The following CDK5RAP2 variants were observed in gnomAD, a reference collection of about 807,000 sequenced individuals.
CDK5RAP2 encodes CDK5 regulatory subunit-associated protein 2.
In CDK5RAP2, 147 loss-of-function variants were observed where a neutral mutation model predicts 232.9. The ratio of observed to expected loss-of-function variants is 0.63; its 90% confidence interval spans 0.55 to 0.72. The LOEUF is 0.72. Among genes scored for constraint, CDK5RAP2 ranks in the 30% least tolerant of loss-of-function variants. The probability of loss-of-function intolerance (pLI) is 0.00; values close to 1 mark genes in which losing one functional copy is unlikely to be tolerated. For missense variants in CDK5RAP2, 2,195 were observed against 2,231.5 expected (o/e 0.98, Z 0.33); for synonymous variants, 833 against 833.7 (o/e 1.00, Z 0.01).
chr9:120,541,759 A>T (rs1473843203), intron 5 of CDK5RAP2, among the ~76,000 whole-genome samples: 1 of 152,214 alleles, frequency 6.6e-6, no homozygotes, highest in Admixed American at 6.5e-5. Flanking sequence ...ATAACTGATC[A>T]AATGCAATAA....
intron 12 of CDK5RAP2, among the ~76,000 whole-genome samples, chr9:120,494,849 T>C (rs1379772206): frequency 9.4e-6 from 1 of 106,816 alleles, no homozygotes; most frequent in Non-Finnish European, 1.8e-5. Context: ...CCGCGGCTGG[T>C]GGTTGGCGCG....
intron 13 of CDK5RAP2, among the ~76,000 whole-genome samples, chr9:120,488,103 G>C (rs762682803): frequency 2.6e-5 from 4 of 152,106 alleles, no homozygotes; most frequent in East Asian, 3.9e-4. Context: ...CTTCTGCATG[G>C]AATCTATTCC....
At chr9:120,536,577 C>T (rs1454246090) in intron 6 of CDK5RAP2, 51 bp from the exon 7 acceptor site, 8 of 1,550,582 alleles carry the variant, frequency 5.2e-6, no homozygotes, top group Admixed American at 3.5e-5. Context: ...CAATTGGGAA[C>T]ATTTTGAAAG....
At position 120,529,857 on chromosome 9, in the gene CDK5RAP2, AG is replaced by A; in HGVS notation, c.825+120del. On this transcript the variant is annotated intron_variant, in intron 8 of 37. Coordinates refer to ENST00000349780, the MANE Select transcript of CDK5RAP2 (RefSeq NM_018249.6). ...AGTTTCTGCTCACTCCTCAGCTGAC[AG>A]GGGACTCATATTTAGAAGCAGGCTG... The A allele has an allele frequency of 5.3e-6, 5 of 938,066 alleles. No individual in the cohort carries two copies. In the South Asian group the frequency reaches 6.5e-5, roughly 12 times the overall value. The allele number at this position is 938,066 out of a possible 1,614,324, so 58.1% of individuals were successfully genotyped here. A position where few individuals can be genotyped will look rare whatever the true frequency, so the allele number is the denominator to read the frequency against.
chr9:120,403,955 G>C lies in CDK5RAP2; in HGVS notation c.5041+81C>G. 1.1e-6 allele frequency: 1 copy of C among 949,422 alleles called. No individual in the cohort carries two copies. The highest frequency in any genetic ancestry group is 1.7e-6 in the Non-Finnish European group (1 of 576,268). 58.8% of individuals were successfully genotyped at this position (949,422 alleles called of 1,614,324 possible). ...CAAATACCCTCCTGAGTTGGGACCA[G>C]GGACCCCCCTTTTCTGCAAGTTAAA... is the stretch of plus-strand genomic sequence containing the variant. On this transcript the variant is annotated intron_variant, in intron 33 of 37. Coordinates refer to ENST00000349780, the MANE Select transcript of CDK5RAP2 (RefSeq NM_018249.6). This position sits in a 1 kb window ranked among gnomAD's most constrained non-coding sequence, Gnocchi z 4.2.
intron 36 of CDK5RAP2, among the ~76,000 whole-genome samples, chr9:120,391,845 C>A (rs1235713022): frequency 1.3e-5 from 2 of 152,170 alleles, no homozygotes; most frequent in Non-Finnish European, 2.9e-5. Flanking sequence ...TCTGTGAAGT[C>A]CGCAGGGCTT....
At position 120,394,547 on chromosome 9, in the gene CDK5RAP2, A is replaced by G; in HGVS notation, c.5543T>C (p.Leu1848Pro). 6.2e-7 allele frequency: 1 copy of G among 1,614,220 alleles called. No homozygotes were observed. The highest frequency in any genetic ancestry group is 1.1e-5 in the South Asian group (1 of 91,092). Reference protein sequence around the residue: ...KLQNTMKLLQLSKRQEKVIFD... With the variant: ...KLQNTMKLLQPSKRQEKVIFD... Reference sequence around the variant, plus strand: ...GATGACTTTTTCCTGGCGCTTGCTCAGCTGCAAAAGCTTCATGGTGTTTTG... The same window carrying G: ...GATGACTTTTTCCTGGCGCTTGCTCGGCTGCAAAAGCTTCATGGTGTTTTG... Residue 1848 changes from leucine (L) to proline (P), a missense_variant, in exon 36 of 38, where the codon CTG becomes CCG. Physicochemically the swap from Leu to Pro is moderately conservative, Grantham distance 98. Transcript: ENST00000349780.
At chr9:120,424,807 C>T (rs960002029) in intron 25 of CDK5RAP2, among the ~76,000 whole-genome samples, 1 of 151,150 alleles carries the variant, frequency 6.6e-6, no homozygotes, top group African/African-American at 2.4e-5. Flanking sequence ...TCAAGCAATT[C>T]TCATGCCTCA....
chr9:120,579,678 CT>C (rs1275044022), intron 1 of CDK5RAP2, among the ~76,000 whole-genome samples: 1 of 152,234 alleles, frequency 6.6e-6, no homozygotes, highest in Non-Finnish European at 1.5e-5. Flanking sequence ...CTTACCTGTT[CT>C]TCACACGCTC....
Position 120,435,597 on chromosome 9 carries a change from G to A in CDK5RAP2, c.3955+1698C>T, listed in dbSNP as rs188092530. On this transcript the variant is annotated intron_variant, in intron 25 of 37. Transcript: ENST00000349780. ...GTTAAATATCATTCCTCACTAAAAG[G>A]AATCAAGGCTCTTGGAGAAATGGCT... 2.6e-5 allele frequency among the ~76,000 whole-genome samples: 4 copies of A among 151,966 alleles called. No homozygotes were observed. In the East Asian group the frequency reaches 7.7e-4, roughly 29 times the overall value.
rs1322901843 is a variant in CDK5RAP2, at chr9:120,486,852, A to G, written c.1626+442T>C. Among the ~76,000 whole-genome samples the G allele has an allele frequency of 4.6e-5, 7 of 152,308 alleles. No homozygotes were observed. In the East Asian group the frequency reaches 1.3e-3, roughly 29 times the overall value. On this transcript the variant is annotated intron_variant, in intron 14 of 37. Transcript: ENST00000349780. ...TGGAACTACATACACAAAGGCACAGAGAGGTACAAACATGGTGTTTTCAGG... is the reference window on the plus strand; with the variant it reads ...TGGAACTACATACACAAAGGCACAGGGAGGTACAAACATGGTGTTTTCAGG...
At chr9:120,445,567 A>G (rs551024399) in intron 22 of CDK5RAP2, among the ~76,000 whole-genome samples, 2 of 152,240 alleles carry the variant, frequency 1.3e-5, no homozygotes, top group South Asian at 2.1e-4. Context: ...TGACTTCCAC[A>G]TTGTTAAATC....
chr9:120,578,314 C>A (rs2043111130), intron 1 of CDK5RAP2, among the ~76,000 whole-genome samples: 1 of 152,014 alleles, frequency 6.6e-6, no homozygotes, highest in African/African-American at 2.4e-5. Flanking sequence ...GTATAAAAAA[C>A]TATTAGAGGT....
intron 35 of CDK5RAP2, 26 bp from the exon 36 acceptor site, chr9:120,394,664 T>C: frequency 1.9e-6 from 3 of 1,549,968 alleles, no homozygotes; most frequent in Non-Finnish European, 2.7e-6. Flanking sequence ...ATTAGAAAAA[T>C]GAACAAAGAA....
intron 5 of CDK5RAP2, among the ~76,000 whole-genome samples, chr9:120,542,475 A>G (rs1251747379): frequency 6.6e-6 from 1 of 151,488 alleles, no homozygotes. Flanking sequence ...CAGCCTGAGC[A>G]ACAGAGCGAG....
chr9:120,534,895 A>G (rs2041316182), intron 7 of CDK5RAP2, among the ~76,000 whole-genome samples: 1 of 152,170 alleles, frequency 6.6e-6, no homozygotes, highest in South Asian at 2.1e-4. Context: ...GTTGGGAGAG[A>G]TACAAGGGAA....
chr9:120,408,591 G>T, intron 30 of CDK5RAP2, 123 bp from the exon 31 acceptor site: 1 of 1,053,576 alleles, frequency 9.5e-7, no homozygotes, highest in Non-Finnish European at 1.4e-6. Flanking sequence ...GAAGTGACAA[G>T]CATGGTTAAG....
chr9:120,407,099 C>T lies in CDK5RAP2; in HGVS notation c.4876G>A (p.Gly1626Arg). The change falls in exon 32 of 38, where the codon GGG becomes AGG. Residue 1626 changes from glycine (G) to arginine (R), a missense_variant. By Grantham distance (125) the Gly-to-Arg change is moderately radical. Coordinates refer to ENST00000349780, the MANE Select transcript of CDK5RAP2 (RefSeq NM_018249.6). ...QSRLKEQLAR[G>R]AEKAQEGALT... ...GCTCCTTCCTGTGCCTTCTCTGCCCCCCTTGCCAGCTGTTCCTTGAGCCTG... is the reference window on the plus strand; with the variant it reads ...GCTCCTTCCTGTGCCTTCTCTGCCCTCCTTGCCAGCTGTTCCTTGAGCCTG... 2 of 1,614,120 alleles carry T rather than the reference C, an allele frequency of 1.2e-6. No individual in the cohort carries two copies. The highest frequency in any genetic ancestry group is 1.1e-5 in the South Asian group (1 of 91,084).
chr9:120,557,787 G>A (rs2042289119), intron 3 of CDK5RAP2, among the ~76,000 whole-genome samples: 2 of 136,422 alleles, frequency 1.5e-5, no homozygotes, highest in South Asian at 2.4e-4. Flanking sequence ...TTTTTTTTGA[G>A]ACAGTCTCGC....
Sources: allele counts gnomAD v4.1 joint callset (sites outside exome capture counted in the v4.1 genomes callset), GRCh38; gene constraint gnomAD v4.1.1; non-coding constraint Gnocchi (gnomAD v3.1); transcripts MANE v1.5; gene names NCBI Gene and HGNC (gene_info 2026-07-23, HGNC 2026-07-21).